The following STPG2 variants were observed in gnomAD, a reference collection of about 807,000 sequenced individuals.
STPG2 encodes sperm-tail PG-rich repeat-containing protein 2.
Under a neutral mutation model 54.2 loss-of-function variants are expected in STPG2, and 56 were observed. The observed-to-expected ratio is 1.03, with a 90% CI of 0.83 to 1.29. The LOEUF is 1.29. Among genes scored for constraint, STPG2 ranks in the 50% most tolerant of loss-of-function variants. The pLI is 0.00. For synonymous variants in STPG2, 200 were observed against 181.8 expected (o/e 1.10, Z -0.81); for missense variants, 596 against 544.9 (o/e 1.09, Z -0.93).
At chr4:98,113,098 T>C (rs1739410789) in intron 3 of STPG2, among the ~76,000 whole-genome samples, 1 of 151,768 alleles carries the variant, frequency 6.6e-6, no homozygotes, top group East Asian at 1.9e-4. Flanking sequence ...TGAACCTTTC[T>C]AACAGAGTAT....
At chr4:98,045,785 G>T (rs1737106402) in intron 5 of STPG2, among the ~76,000 whole-genome samples, 1 of 151,840 alleles carries the variant, frequency 6.6e-6, no homozygotes, top group South Asian at 2.1e-4. Context: ...CTTTTCTCTA[G>T]CTGCTTTCAA....
intron 8 of STPG2, among the ~76,000 whole-genome samples, chr4:97,849,022 C>T (rs1232565498): frequency 2.7e-5 from 4 of 150,478 alleles, no homozygotes; most frequent in South Asian, 2.1e-4. Context: ...AGTAGTTTTT[C>T]CCAATTCTGT....
At chr4:97,645,627 C>T (rs940240708) in intron 10 of STPG2, among the ~76,000 whole-genome samples, 1 of 151,974 alleles carries the variant, frequency 6.6e-6, no homozygotes, top group Admixed American at 6.6e-5. Flanking sequence ...GGTTGGCAAC[C>T]CTTTGTTGCT....
rs567131395 is a variant in STPG2, at chr4:97,599,782, C to A, written c.1321-40665G>T. Among the ~76,000 whole-genome samples, 679 of 147,242 alleles carry A rather than the reference C, an allele frequency of 4.6e-3. 3 individuals are homozygous for A. The highest frequency in any genetic ancestry group is 0.018 in the Middle Eastern group (5 of 278). On this transcript the variant is annotated intron_variant, in intron 10 of 10. Transcript: ENST00000295268. Reference sequence around the variant, plus strand: ...GAGCTTGCAGTGAGTGGAGATCGTGCCACTGAACTCCAGCCTGGGTGACAG... The same window carrying A: ...GAGCTTGCAGTGAGTGGAGATCGTGACACTGAACTCCAGCCTGGGTGACAG...
At chr4:97,578,791 GTTC>G (rs1208349779) in intron 10 of STPG2, among the ~76,000 whole-genome samples, 2 of 152,078 alleles carry the variant, frequency 1.3e-5, no homozygotes, top group Non-Finnish European at 1.5e-5. Flanking sequence ...TGTGAGAGTA[GTTC>G]TTCTTCTTAC....
chr4:97,905,874 G>A (rs553277744), intron 8 of STPG2, among the ~76,000 whole-genome samples: 34 of 152,182 alleles, frequency 2.2e-4, no homozygotes, highest in African/African-American at 7.9e-4. Flanking sequence ...GCAGTGTGTA[G>A]AGGGAAATTT....
intron 10 of STPG2, among the ~76,000 whole-genome samples, chr4:97,659,878 T>C (rs575856901): frequency 6.6e-6 from 1 of 152,318 alleles, no homozygotes; most frequent in East Asian, 1.9e-4. Flanking sequence ...TTCTGTGAAC[T>C]TGGGACAGAG....
At chr4:97,635,964 T>C (rs896288575) in intron 10 of STPG2, among the ~76,000 whole-genome samples, 3 of 152,136 alleles carry the variant, frequency 2.0e-5, no homozygotes, top group African/African-American at 4.8e-5. Flanking sequence ...CACCCAGGAA[T>C]TGAACTCAGC....
chr4:98,031,686 A>C (rs1422615177), intron 5 of STPG2, among the ~76,000 whole-genome samples: 1 of 151,884 alleles, frequency 6.6e-6, no homozygotes, highest in Non-Finnish European at 1.5e-5. Flanking sequence ...ACTCTGTCTC[A>C]AAAAAAATAA....
intron 10 of STPG2, among the ~76,000 whole-genome samples, chr4:97,685,672 G>C (rs750942717): frequency 6.6e-6 from 1 of 152,126 alleles, no homozygotes; most frequent in Admixed American, 6.6e-5. Context: ...ACAACACAGA[G>C]TAAACACTAA....
chr4:97,684,816 A>G (rs960463572), intron 10 of STPG2, among the ~76,000 whole-genome samples: 1 of 151,946 alleles, frequency 6.6e-6, no homozygotes, highest in Non-Finnish European at 1.5e-5. Context: ...GACAAGCCAA[A>G]AATTGGAAGA....
At chr4:97,956,077 CACA>C (rs745623389) in intron 7 of STPG2, among the ~76,000 whole-genome samples, 2 of 151,928 alleles carry the variant, frequency 1.3e-5, no homozygotes, top group Non-Finnish European at 2.9e-5. Context: ...AAGTAATCCA[CACA>C]ACAAAATAAT....
intron 8 of STPG2, among the ~76,000 whole-genome samples, chr4:97,867,808 A>G (rs1729846839): frequency 6.6e-6 from 1 of 151,970 alleles, no homozygotes; most frequent in Non-Finnish European, 1.5e-5. Context: ...ACTTCATTTT[A>G]TTCCTTCTGT....
chr4:97,921,817 T>C (rs768078424), intron 8 of STPG2, among the ~76,000 whole-genome samples: 10 of 152,122 alleles, frequency 6.6e-5, no homozygotes, highest in Admixed American at 1.3e-4. Flanking sequence ...GTGGCACATA[T>C]ATACAATGTA....
At chr4:97,877,210 C>A (rs866873808) in intron 8 of STPG2, among the ~76,000 whole-genome samples, 5 of 152,178 alleles carry the variant, frequency 3.3e-5, no homozygotes, top group Middle Eastern at 3.4e-3. Context: ...CAACATCTTC[C>A]CTTTTCTCAA....
At chr4:97,586,535 T>G (rs1578406960) in intron 10 of STPG2, among the ~76,000 whole-genome samples, 2 of 152,016 alleles carry the variant, frequency 1.3e-5, no homozygotes, top group East Asian at 3.9e-4. Context: ...TTAATCAAAC[T>G]TTTGAAAATG....
chr4:97,909,635 A>C (rs925844548), intron 8 of STPG2, among the ~76,000 whole-genome samples: 1 of 152,214 alleles, frequency 6.6e-6, no homozygotes, highest in Non-Finnish European at 1.5e-5. Context: ...CAACACATGC[A>C]AAAATAAATT....
chr4:97,906,644 A>G (rs1235539003), intron 8 of STPG2, among the ~76,000 whole-genome samples: 7 of 152,228 alleles, frequency 4.6e-5, no homozygotes, highest in Admixed American at 6.5e-5. Flanking sequence ...CGAATCCAGC[A>G]GCACATCAAA....
At chr4:97,682,076 A>C (rs1723054116) in intron 10 of STPG2, among the ~76,000 whole-genome samples, 1 of 151,792 alleles carries the variant, frequency 6.6e-6, no homozygotes, top group Non-Finnish European at 1.5e-5. Context: ...ATATTTGTCT[A>C]TTCTGTGTAT....
Sources: gnomAD v4.1 joint callset for allele counts (sites outside exome capture counted in the v4.1 genomes callset) on GRCh38, gnomAD v4.1.1 for gene constraint, MANE v1.5 for transcripts, NCBI Gene and HGNC (gene_info 2026-07-23, HGNC 2026-07-21) for gene names.